Variants in UBP1 observed in about 807,000 individuals in gnomAD.
UBP1 encodes upstream-binding protein 1.
UBP1 carries 22 observed loss-of-function variants against 76.1 expected under a neutral mutation model. The ratio of observed to expected loss-of-function variants is 0.29; its 90% CI spans 0.21 to 0.41. The LOEUF is 0.41. UBP1 is among the 10% of genes least tolerant of loss of function. The pLI is 1.00. For synonymous variants in UBP1, 224 were observed against 237.1 expected, an observed-to-expected ratio of 0.94 and a Z score of 0.51; for missense variants, 436 against 668.1, an observed-to-expected ratio of 0.65 and a Z score of 3.83.
At chr3:33,422,133 T>C (rs893356146) in intron 2 of UBP1, among the ~76,000 whole-genome samples, 2 of 152,232 alleles carry the variant, frequency 1.3e-5, no homozygotes, top group Non-Finnish European at 2.9e-5. Context: ...TTTGTTTGTC[T>C]TATTACTTTA....
At chr3:33,406,586 G>A (rs2044433230) in intron 8 of UBP1, among the ~76,000 whole-genome samples, 1 of 152,236 alleles carries the variant, frequency 6.6e-6, no homozygotes, top group Admixed American at 6.5e-5. Context: ...TAGCATGGCA[G>A]AGTAATGTAG....
chr3:33,413,364 G>C (rs979767281), intron 3 of UBP1, among the ~76,000 whole-genome samples: 60 of 151,682 alleles, frequency 4.0e-4, no homozygotes, highest in Middle Eastern at 6.9e-3. Flanking sequence ...TGGCTAACAC[G>C]GTGAAACCCC....
At chr3:33,404,362 A>G (rs531317979) in intron 8 of UBP1, among the ~76,000 whole-genome samples, 1 of 152,180 alleles carries the variant, frequency 6.6e-6, no homozygotes, top group South Asian at 2.1e-4. Flanking sequence ...CAGTGAGCCG[A>G]GATCGTGCCA....
At chr3:33,390,711 A>G (rs555778225) in intron 15 of UBP1, 1 of 294,588 alleles carries the variant, frequency 3.4e-6, no homozygotes, top group African/African-American at 2.1e-5. Flanking sequence ...GGTGAAATAT[A>G]CTGTGTCAGG....
intron 8 of UBP1, 34 bp from the exon 9 acceptor site, chr3:33,402,938 G>T: frequency 1.3e-6 from 2 of 1,520,940 alleles, no homozygotes; most frequent in Non-Finnish European, 1.8e-6. Flanking sequence ...TTAGTGATAT[G>T]CTTTTAAAAT....
chr3:33,414,185 T>C (rs1236346079), intron 3 of UBP1: 1 of 151,448 alleles, frequency 6.6e-6, no homozygotes, highest in Non-Finnish European at 1.5e-5. Context: ...GTCTAGCAGG[T>C]TTTCCAGTTT....
intron 3 of UBP1, chr3:33,415,998 A>G (rs2044718535): frequency 6.6e-6 from 1 of 152,120 alleles, no homozygotes; most frequent in Non-Finnish European, 1.5e-5. Flanking sequence ...TGCCCTTCCC[A>G]TGCTTACCCA....
At chr3:33,435,875 G>A (rs2045196104) in intron 1 of UBP1, among the ~76,000 whole-genome samples, 1 of 152,160 alleles carries the variant, frequency 6.6e-6, no homozygotes, top group African/African-American at 2.4e-5. Flanking sequence ...GTCTACTGAA[G>A]GTGTTTCTAC....
intron 1 of UBP1, among the ~76,000 whole-genome samples, chr3:33,427,662 C>G (rs906296489): frequency 1.3e-5 from 2 of 152,180 alleles, no homozygotes; most frequent in Non-Finnish European, 1.5e-5. Flanking sequence ...CCCTACTCCC[C>G]CCATGCATTT....
At chr3:33,425,540 T>C in intron 2 of UBP1, 50 bp downstream of exon 2, 1 of 1,463,828 alleles carries the variant, frequency 6.8e-7, no homozygotes, top group Non-Finnish European at 9.2e-7. Flanking sequence ...AAATATTATT[T>C]TGTATTTCTG....
chr3:33,434,464 ATTTTG>A (rs1340392174), intron 1 of UBP1, among the ~76,000 whole-genome samples: 9 of 151,092 alleles, frequency 6.0e-5, no homozygotes, highest in African/African-American at 2.2e-4. Flanking sequence ...TGCCCAGCTA[ATTTTG>A]TAAGATGGGG....
chr3:33,422,504 C>T (rs1324513064), intron 2 of UBP1, among the ~76,000 whole-genome samples: 1 of 152,054 alleles, frequency 6.6e-6, no homozygotes, highest in Non-Finnish European at 1.5e-5. Context: ...ATCGTTTGAG[C>T]CCAGGAGTCG....
chr3:33,393,687 A>T (rs2043857619), intron 13 of UBP1, among the ~76,000 whole-genome samples: 1 of 152,246 alleles, frequency 6.6e-6, no homozygotes, highest in Non-Finnish European at 1.5e-5. Flanking sequence ...TAATTTAATA[A>T]ACATTAACAG....
intron 2 of UBP1, 108 bp from the exon 3 acceptor site, chr3:33,416,942 T>G (rs1180563315): frequency 2.1e-6 from 2 of 947,214 alleles, no homozygotes; most frequent in Non-Finnish European, 3.2e-6. Flanking sequence ...CAATGATAGT[T>G]TGTTAATTTG....
chr3:33,406,659 T>C (rs528638325), intron 8 of UBP1, among the ~76,000 whole-genome samples: 2 of 152,346 alleles, frequency 1.3e-5, no homozygotes, highest in Non-Finnish European at 2.9e-5. Context: ...TAGATTCTTC[T>C]AACATTCGAA....
rs894778057 is a variant in UBP1 at position 33,397,342 on chromosome 3, A to G, written c.1181-207T>C. ...TGGCTTTTCCATGTCCTGTATCAAG[A>G]AGGAGCTTAGAAGTCCTGAGGCTGA... is the stretch of plus-strand genomic sequence containing the variant. On this transcript the variant is annotated intron_variant, in intron 11 of 15. Coordinates refer to ENST00000283629, the MANE Select transcript of UBP1 (RefSeq NM_014517.5). The G allele has an allele frequency of 3.8e-5, 16 of 415,782 alleles. No individual in the cohort carries two copies. The South Asian group carries it at 8.7e-4, about 23-fold the overall frequency. 25.8% of individuals were successfully genotyped at this position (415,782 alleles called of 1,614,324 possible).
Position 33,390,381 on chromosome 3 carries a change from GAA to G in UBP1, c.1586-15_1586-14del. ...TCACTACTTTCAGCTGCAGAAAAAG[GAA>G]AGACAGTATTTCTTCAGTCAGGCTT... On this transcript the variant is annotated splice_polypyrimidine_tract_variant and intron_variant, in intron 15 of 15. Transcript: ENST00000283629. The G allele has an allele frequency of 6.2e-7, 1 of 1,613,774 alleles. No homozygotes were observed. Among genetic ancestry groups the G allele is most frequent in the African/African-American group, 1.3e-5 (1 of 74,968 alleles).
chr3:33,392,672 A>G, intron 14 of UBP1, 58 bp from the exon 15 acceptor site: 1 of 1,480,604 alleles, frequency 6.8e-7, no homozygotes, highest in Non-Finnish European at 9.3e-7. Flanking sequence ...GTTTCTTAAA[A>G]TGATTTTAAA....
intron 9 of UBP1, among the ~76,000 whole-genome samples, chr3:33,401,467 A>G (rs1433678951): frequency 1.3e-5 from 2 of 152,236 alleles, no homozygotes; most frequent in African/African-American, 2.4e-5. Flanking sequence ...CCTTTAAGTA[A>G]TACATATATC....
Sources: allele counts gnomAD v4.1 joint callset (sites outside exome capture counted in the v4.1 genomes callset), GRCh38; gene constraint gnomAD v4.1.1; transcripts MANE v1.5; gene names NCBI Gene and HGNC (gene_info 2026-07-23, HGNC 2026-07-21).